Variants in TMCO4 observed in about 807,000 individuals in gnomAD.
TMCO4 encodes transmembrane and coiled-coil domain-containing protein 4.
TMCO4 carries 58 observed loss-of-function variants against 64.7 expected under a neutral mutation model. The observed-to-expected ratio is 0.90, with a 90% CI of 0.73 to 1.12. The LOEUF is 1.12. Ranked by LOEUF, TMCO4 falls within the 50% of genes most tolerant of loss-of-function variation. The pLI is 0.00. For missense variants in TMCO4, 780 were observed against 825.9 expected, an observed-to-expected ratio of 0.94 and a Z score of 0.68; for synonymous variants, 325 against 346.1, an observed-to-expected ratio of 0.94 and a Z score of 0.68.
chr1:19,764,531 G>C (rs2042643270), intron 6 of TMCO4, among the ~76,000 whole-genome samples: 1 of 152,224 alleles, frequency 6.6e-6, no homozygotes, highest in Non-Finnish European at 1.5e-5. Flanking sequence ...AGATGGACCA[G>C]GCTGTTTGGA....
chr1:19,793,532 G>T (rs1457848334), intron 2 of TMCO4, among the ~76,000 whole-genome samples: 2 of 152,174 alleles, frequency 1.3e-5, no homozygotes, highest in Non-Finnish European at 2.9e-5. Flanking sequence ...GACACCCATT[G>T]ATTCTACATC....
chr1:19,688,697 G>A (rs759406194), intron 15 of TMCO4, among the ~76,000 whole-genome samples: 3 of 152,184 alleles, frequency 2.0e-5, no homozygotes, highest in Non-Finnish European at 2.9e-5. Context: ...CCGTGGCACC[G>A]CCTGCAGCCT....
chr1:19,687,595 T>C lies in TMCO4; in HGVS notation c.1501-4151A>G, dbSNP rs981218696. Among the ~76,000 whole-genome samples, 8 of 152,302 alleles carry C rather than the reference T, an allele frequency of 5.3e-5. 2 individuals carry two copies. The highest frequency in any genetic ancestry group is 6.5e-5 in the Admixed American group (1 of 15,296). On this transcript the variant is annotated intron_variant, in intron 15 of 15. Coordinates refer to ENST00000294543, the MANE Select transcript of TMCO4 (RefSeq NM_181719.7). ...GGCTGATCCATTTGGGAGCCCAAGA[T>C]GGCTGCTCAAGCTCCAGCCATCACA...
intron 13 of TMCO4, among the ~76,000 whole-genome samples, chr1:19,729,851 T>C (rs1321787482): frequency 1.3e-5 from 2 of 152,322 alleles, no homozygotes; most frequent in South Asian, 2.1e-4. Context: ...CTTGAGGTGA[T>C]AGATACCCCA....
chr1:19,750,522 C>G (rs1413863711), intron 7 of TMCO4: 1 of 152,228 alleles, frequency 6.6e-6, no homozygotes, highest in African/African-American at 2.4e-5. Context: ...CCGCAGCAGC[C>G]AATGCCAAGT....
At chr1:19,778,030 A>G (rs748968202) in intron 4 of TMCO4, among the ~76,000 whole-genome samples, 55 of 152,296 alleles carry the variant, frequency 3.6e-4, no homozygotes, top group Admixed American at 3.9e-4. Flanking sequence ...CTGAGACCCC[A>G]TCTCTAAAAA....
chr1:19,761,498 T>C (rs769379680), intron 6 of TMCO4, among the ~76,000 whole-genome samples: 46 of 152,230 alleles, frequency 3.0e-4, no homozygotes, highest in Non-Finnish European at 5.3e-4. Context: ...CTCAGAGATC[T>C]GAGGGTCAGC....
chr1:19,718,413 G>T (rs1570744211), intron 13 of TMCO4, among the ~76,000 whole-genome samples: 1 of 151,810 alleles, frequency 6.6e-6, no homozygotes. Flanking sequence ...AGCACTTTGG[G>T]AGGTCGAGGT....
intron 13 of TMCO4, among the ~76,000 whole-genome samples, chr1:19,733,673 A>G (rs1010045174): frequency 2.6e-5 from 4 of 152,170 alleles, no homozygotes; most frequent in African/African-American, 4.8e-5. Flanking sequence ...CGTGCTGCTG[A>G]TGTGTACCTC....
chr1:19,772,888 T>A lies in TMCO4; in HGVS notation c.180-1406A>T, dbSNP rs112060810. On this transcript the variant is annotated intron_variant, in intron 4 of 15. Transcript: ENST00000294543. ...ACCTTGATGGGAGTTGTGAGGAACT[T>A]GGGTTTAAATCCTAGCCTCAGCCGG... Among the ~76,000 whole-genome samples the A allele has an allele frequency of 2.6e-5, 4 of 152,154 alleles. 1 individual carries two copies. Among genetic ancestry groups the A allele is most frequent in the African/African-American group, 9.6e-5 (4 of 41,516 alleles).
At chr1:19,754,088 T>C (rs2100929930) in intron 7 of TMCO4, among the ~76,000 whole-genome samples, 1 of 152,270 alleles carries the variant, frequency 6.6e-6, no homozygotes, top group South Asian at 2.1e-4. Context: ...AAGTTGAAGC[T>C]CAGAGAAGTT....
Position 19,694,291 on chromosome 1 carries a change from T to C in TMCO4, c.1500+143A>G, listed in dbSNP as rs1212226861. ...TGCCGGGATTACAGGCATGAGCCAC[T>C]GCACCTGGCTCCAAATAAATTCTTA... On this transcript the variant is annotated intron_variant, in intron 15 of 15. Coordinates refer to ENST00000294543, the MANE Select transcript of TMCO4 (RefSeq NM_181719.7). 4 of 676,118 alleles carry C rather than the reference T, an allele frequency of 5.9e-6. No individual in the cohort carries two copies. In the East Asian group the frequency reaches 1.1e-4, roughly 19 times the overall value. 41.9% of individuals were successfully genotyped at this position (676,118 alleles called of 1,614,324 possible).
At chr1:19,740,490 A>T (rs2095474388) in intron 11 of TMCO4, among the ~76,000 whole-genome samples, 1 of 151,916 alleles carries the variant, frequency 6.6e-6, no homozygotes, top group African/African-American at 2.4e-5. Flanking sequence ...AGATCCACCA[A>T]CTCCAGCCTC....
intron 13 of TMCO4, among the ~76,000 whole-genome samples, chr1:19,702,282 T>C (rs2095277778): frequency 2.3e-5 from 1 of 44,434 alleles, no homozygotes; most frequent in Non-Finnish European, 5.0e-5. Context: ...ACTCTTGTCT[T>C]TACAAAAAAA....
chr1:19,689,981 C>A (rs1242117837), intron 15 of TMCO4, among the ~76,000 whole-genome samples: 2 of 152,248 alleles, frequency 1.3e-5, no homozygotes, highest in Non-Finnish European at 2.9e-5. Flanking sequence ...GCTGGTCCCA[C>A]ATGAAACCTG....
chr1:19,726,296 G>A (rs147799355), intron 13 of TMCO4, among the ~76,000 whole-genome samples: 1 of 152,154 alleles, frequency 6.6e-6, no homozygotes, highest in Admixed American at 6.5e-5. Context: ...CCATGACCCA[G>A]GTGTGGGTGA....
chr1:19,696,032 G>A (rs1570650490), intron 14 of TMCO4, among the ~76,000 whole-genome samples: 1 of 152,006 alleles, frequency 6.6e-6, no homozygotes, highest in Non-Finnish European at 1.5e-5. Flanking sequence ...GGATGAATGC[G>A]ACGGCCTCTG....
chr1:19,781,999 T>C (rs2043514353), intron 3 of TMCO4, among the ~76,000 whole-genome samples: 1 of 152,214 alleles, frequency 6.6e-6, no homozygotes, highest in African/African-American at 2.4e-5. Flanking sequence ...TATAACTATT[T>C]GGAAAATGGT....
At chr1:19,797,833 C>T (rs1410284576) in intron 2 of TMCO4, among the ~76,000 whole-genome samples, 1 of 131,592 alleles carries the variant, frequency 7.6e-6, no homozygotes, top group Non-Finnish European at 1.6e-5. Context: ...CACTGCACTC[C>T]AGCCTGGGTG....
Sources: gnomAD v4.1 joint callset for allele counts (sites outside exome capture counted in the v4.1 genomes callset) on GRCh38, gnomAD v4.1.1 for gene constraint, MANE v1.5 for transcripts, NCBI Gene and HGNC (gene_info 2026-07-23, HGNC 2026-07-21) for gene names.